Variants in PDXDC1 observed in about 807,000 individuals in gnomAD.
The protein encoded by PDXDC1 is pyridoxal dependent decarboxylase domain containing 1.
A neutral mutation model predicts 100.1 loss-of-function variants in PDXDC1; 42 were observed. The observed-to-expected ratio is 0.42, with a 90% CI of 0.33 to 0.54. PDXDC1 has a LOEUF of 0.54. PDXDC1 is among the 20% of genes least tolerant of loss of function. The pLI is 0.10. For missense variants in PDXDC1, 636 were observed against 979.2 expected (o/e 0.65, Z 4.68); for synonymous variants, 260 against 371.7 (o/e 0.70, Z 3.46).
Position 15,011,631 on chromosome 16 carries a change from C to CTTTTTTTTTTTTT in PDXDC1, c.727+1879_727+1891dup. On this transcript the variant is annotated intron_variant, in intron 8 of 22. Transcript: ENST00000396410. Reference sequence around the variant, plus strand: ...AGAAATATTTGCAAAACATTTTTTTCTTTTTTTTTTTTTTTTTTTGTCTTT... The same window carrying CTTTTTTTTTTTTT: ...AGAAATATTTGCAAAACATTTTTTTCTTTTTTTTTTTTTTTTTTTTTTTTTTTTTTTTGTCTTT... Among the ~76,000 whole-genome samples the CTTTTTTTTTTTTT allele has an allele frequency of 6.1e-5, 8 of 131,268 alleles. 1 individual carries two copies. Among genetic ancestry groups the CTTTTTTTTTTTTT allele is most frequent in the Admixed American group, 7.7e-5 (1 of 13,016 alleles). 86.1% of individuals were successfully genotyped at this position (131,268 alleles called of 152,430 possible).
intron 16 of PDXDC1, chr16:15,071,347 A>G: frequency 8.8e-7 from 1 of 1,139,122 alleles, no homozygotes; most frequent in Non-Finnish European, 1.3e-6. Flanking sequence ...ATGTAGGGAA[A>G]AGTTCTACTA....
In PDXDC1 at chr16:15,130,530, G is replaced by C; in HGVS notation, c.1400-8349G>C. Reference sequence around the variant, plus strand: ...TATCGGAGTCCCAGAGCCCATACCCGGTCCAGTCCCCTCGCTGCCTGCCGT... The same window carrying C: ...TATCGGAGTCCCAGAGCCCATACCCCGTCCAGTCCCCTCGCTGCCTGCCGT... On this transcript the variant is annotated intron_variant, in intron 16 of 16. Coordinates refer to the PDXDC1 transcript ENST00000535621. 4.5e-6 allele frequency: 6 copies of C among 1,320,086 alleles called. No individual in the cohort carries two copies. The East Asian group carries it at 1.4e-4, about 31-fold the overall frequency. The allele number at this position is 1,320,086 out of a possible 1,614,324, so 81.8% of individuals were successfully genotyped here. A position where few individuals can be genotyped will look rare whatever the true frequency, so the allele number is the denominator to read the frequency against.
At chr16:15,008,683 G>T (rs1457221456) in intron 6 of PDXDC1, 96 bp from the exon 7 acceptor site, 29 of 1,145,422 alleles carry the variant, frequency 2.5e-5, no homozygotes, top group African/African-American at 7.8e-5. Flanking sequence ...TTTCTTAGAA[G>T]AATAATCGTG....
chr16:15,141,652 C>T (rs548892012), downstream of PDXDC1, among the ~76,000 whole-genome samples: 5 of 152,138 alleles, frequency 3.3e-5, no homozygotes, highest in East Asian at 9.7e-4. Flanking sequence ...GCCGTCCCCT[C>T]CTCTACACCA....
In PDXDC1 at chr16:15,102,962, G is replaced by T. The variant is rs1287694252; in HGVS notation, c.1400-35917G>T. On this transcript the variant is annotated intron_variant, in intron 16 of 16. Coordinates refer to the PDXDC1 transcript ENST00000535621. The stretch of plus-strand genomic sequence containing the variant: ...AAAGGAAATACAAATTAAAAAACCA[G>T]CCGGGCATGCTGGCGTGTGCCTGTA... Among the ~76,000 whole-genome samples the T allele has an allele frequency of 1.2e-4, 17 of 145,426 alleles. No individual in the cohort carries two copies. The South Asian group carries it at 3.4e-3, about 29-fold the overall frequency.
chr16:15,098,533 C>T (rs2046435226), intron 16 of PDXDC1, among the ~76,000 whole-genome samples: 1 of 151,946 alleles, frequency 6.6e-6, no homozygotes, highest in Non-Finnish European at 1.5e-5. Context: ...AATTGTTCAT[C>T]TGGATCCTCC....
chr16:15,063,001 G>A (rs888400898), intron 16 of PDXDC1, among the ~76,000 whole-genome samples: 22 of 152,196 alleles, frequency 1.4e-4, no homozygotes, highest in Admixed American at 9.8e-4. Flanking sequence ...GCACCACCAC[G>A]CCCAGCTAAT....
At chr16:15,060,797 C>A (rs888781129) in intron 16 of PDXDC1, 1 of 152,220 alleles carries the variant, frequency 6.6e-6, no homozygotes, top group Admixed American at 6.5e-5. Context: ...TGAGCAAAAC[C>A]GTACACCAAA....
At chr16:15,082,814 T>G (rs1314367222) in intron 16 of PDXDC1, among the ~76,000 whole-genome samples, 1 of 152,174 alleles carries the variant, frequency 6.6e-6, no homozygotes, top group Non-Finnish European at 1.5e-5. Flanking sequence ...GCACAGATGA[T>G]CTGAACATTG....
intron 1 of PDXDC1, among the ~76,000 whole-genome samples, chr16:14,993,598 A>G (rs1187055396): frequency 6.6e-6 from 1 of 152,296 alleles, no homozygotes; most frequent in Non-Finnish European, 1.5e-5. Flanking sequence ...TGCCACAATA[A>G]ACATACGTGT....
chr16:14,979,624 G>A (rs1420764696), intron 1 of PDXDC1, among the ~76,000 whole-genome samples: 1 of 152,284 alleles, frequency 6.6e-6, no homozygotes, highest in Non-Finnish European at 1.5e-5. Context: ...ATCTCTGAAA[G>A]AGGCAACTTT....
intron 1 of PDXDC1, among the ~76,000 whole-genome samples, chr16:14,995,754 G>A (rs2151307617): frequency 6.6e-6 from 1 of 152,412 alleles, no homozygotes; most frequent in East Asian, 1.9e-4. Context: ...GAATTTGGCT[G>A]TGAATCCCTC....
Position 15,036,175 on chromosome 16 carries a change from C to T in PDXDC1, c.2267C>T (p.Pro756Leu). 4 of 1,614,136 alleles carry T rather than the reference C, an allele frequency of 2.5e-6. No individual in the cohort carries two copies. The highest frequency in any genetic ancestry group is 3.4e-6 in the Non-Finnish European group (4 of 1,180,020). The change falls in exon 23 of 23, where the codon CCC becomes CTC. Residue 756 changes from proline (P) to leucine (L), a missense_variant. Physicochemically the swap from Pro to Leu is moderately conservative, Grantham distance 98. This residue lies in a region of PDXDC1 where 452 missense variants were observed against 402.9 expected (regional missense o/e 1.12). Coordinates refer to ENST00000396410, the MANE Select transcript of PDXDC1 (RefSeq NM_015027.4). ...AGCACTGAGGGACACCCAGGGGCTC[C>T]CAGCCCTCAGCACACCGACCAGACC... is the stretch of plus-strand genomic sequence containing the variant. Reference protein sequence around the residue: ...ASSTEGHPGAPSPQHTDQTEA... With the variant: ...ASSTEGHPGALSPQHTDQTEA...
downstream of PDXDC1, among the ~76,000 whole-genome samples, chr16:15,040,779 C>G (rs2151689894): frequency 6.6e-6 from 1 of 152,260 alleles, no homozygotes; most frequent in African/African-American, 2.4e-5. Flanking sequence ...GGAAACAAAA[C>G]CAGGCACTTT....
At chr16:15,045,761 T>G (rs958742617) in intron 16 of PDXDC1, 1 of 152,264 alleles carries the variant, frequency 6.6e-6, no homozygotes, top group Admixed American at 6.5e-5. Flanking sequence ...CCCACACTCA[T>G]CTACTAACCC....
chr16:14,977,501 A>G (rs1462407450), intron 1 of PDXDC1, among the ~76,000 whole-genome samples: 19 of 152,370 alleles, frequency 1.2e-4, no homozygotes, highest in Non-Finnish European at 2.6e-4. Context: ...GATGGTCTCA[A>G]ACGCCTGACC....
chr16:15,036,074 A>C lies in PDXDC1; in HGVS notation c.2166A>C (p.Ser722=). 6.2e-7 allele frequency: 1 copy of C among 1,614,160 alleles called. No homozygotes were observed. Reference sequence around the variant, plus strand: ...CAGATGCTTTGAGTGAGACCAGCTCAGTCAGTCACATTGAAGACTTAGAAA... The same window carrying C: ...CAGATGCTTTGAGTGAGACCAGCTCCGTCAGTCACATTGAAGACTTAGAAA... ...RGSDALSETS[S]VSHIEDLEKV... Residue 722 remains serine (S), a synonymous_variant, in exon 23 of 23, where the codon TCA becomes TCC. Coordinates refer to ENST00000396410, the MANE Select transcript of PDXDC1 (RefSeq NM_015027.4).
At chr16:15,019,117 T>C (rs1308985633) in intron 12 of PDXDC1, 152 bp downstream of exon 12, 1 of 993,228 alleles carries the variant, frequency 1.0e-6, no homozygotes, top group African/African-American at 1.7e-5. Flanking sequence ...TAAATATTTC[T>C]TGTTCAAAGT....
the PDXDC1 span, among the ~76,000 whole-genome samples, chr16:15,145,519 GC>G: frequency 6.6e-6 from 1 of 152,270 alleles, no homozygotes; most frequent in Non-Finnish European, 1.5e-5. Flanking sequence ...ACAGAAGCCA[GC>G]CTGTCTTCAG....
Sources: gnomAD v4.1 joint callset for allele counts (sites outside exome capture counted in the v4.1 genomes callset) on GRCh38, gnomAD v4.1.1 for gene constraint, gnomAD v4.1.1 regional missense constraint, MANE v1.5 for transcripts, NCBI Gene and HGNC (gene_info 2026-07-23, HGNC 2026-07-21) for gene names.